Variants in ZBTB7C observed in about 807,000 individuals in gnomAD.
The protein encoded by ZBTB7C is zinc finger and BTB domain-containing protein 7C.
ZBTB7C carries 8 observed loss-of-function variants against 25.7 expected under a neutral mutation model. The observed-to-expected ratio is 0.31, with a 90% CI of 0.18 to 0.56. The LOEUF is 0.56. ZBTB7C is among the 20% of genes least tolerant of loss of function. ZBTB7C has a pLI of 0.91. For synonymous variants in ZBTB7C, 394 were observed against 369.0 expected (o/e 1.07, Z -0.78); for missense variants, 824 against 855.2 (o/e 0.96, Z 0.46).
At position 48,111,061 on chromosome 18, in the gene ZBTB7C, C is replaced by T. The variant is rs1363341547; in HGVS notation, c.-16-69938G>A. On this transcript the variant is annotated intron_variant, in intron 3 of 4. Transcript: ENST00000590800. ...GTCTGGGGAGCAAACCAGCCTCCAG[C>T]TGCTGGGCGCATTCTGGCAGCTGCT... 2.6e-5 allele frequency among the ~76,000 whole-genome samples: 4 copies of T among 152,154 alleles called. No homozygotes were observed. In the East Asian group the frequency reaches 7.7e-4, roughly 29 times the overall value.
At chr18:48,302,896 G>A (rs2045579195) in intron 2 of ZBTB7C, among the ~76,000 whole-genome samples, 1 of 152,156 alleles carries the variant, frequency 6.6e-6, no homozygotes, top group Non-Finnish European at 1.5e-5. Flanking sequence ...CAACCCCAGG[G>A]CCCACAATCC....
intron 1 of ZBTB7C, among the ~76,000 whole-genome samples, chr18:48,360,394 G>A (rs1351506492): frequency 6.6e-6 from 1 of 152,202 alleles, no homozygotes; most frequent in Non-Finnish European, 1.5e-5. Flanking sequence ...GGTAGGCATG[G>A]GGGATTTTAG....
Position 48,029,825 on chromosome 18 carries a change from T to C in ZBTB7C, c.1295A>G (p.Asn432Ser), listed in dbSNP as rs777416369. 6.2e-7 allele frequency: 1 copy of C among 1,609,874 alleles called. No homozygotes were observed. The highest frequency in any genetic ancestry group is 8.5e-7 in the Non-Finnish European group (1 of 1,180,000). The change falls in exon 5 of 5, where the codon AAC becomes AGC. Residue 432 changes from asparagine to serine, a missense_variant. Transcript: ENST00000590800. ...GCGCATGTGGTTCTTGAGGTCGTAG[T>C]TGTGCACGAACTTGGCGTTGCAGTG... is the stretch of plus-strand genomic sequence containing the variant. The part of the protein sequence containing the change: ...CIHCNAKFVH[N>S]YDLKNHMRIH...
intron 3 of ZBTB7C, among the ~76,000 whole-genome samples, chr18:48,154,001 C>G (rs555864558): frequency 6.6e-6 from 1 of 152,152 alleles, no homozygotes; most frequent in Non-Finnish European, 1.5e-5. Context: ...AGGGTCATGG[C>G]TGGGAAACTC....
intron 3 of ZBTB7C, among the ~76,000 whole-genome samples, chr18:48,067,689 G>A (rs898063462): frequency 6.6e-5 from 10 of 152,226 alleles, no homozygotes; most frequent in East Asian, 1.9e-4. Flanking sequence ...ACAATTGCAC[G>A]AGCCAATTCT....
At chr18:48,158,509 T>C (rs2040904975) in intron 3 of ZBTB7C, among the ~76,000 whole-genome samples, 1 of 149,050 alleles carries the variant, frequency 6.7e-6, no homozygotes, top group Non-Finnish European at 1.5e-5. Context: ...AAAATGAGGG[T>C]CTTGGAGGGG....
intron 2 of ZBTB7C, among the ~76,000 whole-genome samples, chr18:48,316,638 C>T (rs1420527246): frequency 1.3e-5 from 2 of 152,160 alleles, no homozygotes; most frequent in African/African-American, 2.4e-5. Context: ...TCTCTTGCTC[C>T]CTCTCTTGCC....
intron 2 of ZBTB7C, among the ~76,000 whole-genome samples, chr18:48,326,064 T>C (rs1005497567): frequency 4.0e-5 from 6 of 151,896 alleles, no homozygotes; most frequent in African/African-American, 1.5e-4. Context: ...TTCACTTATC[T>C]GTTTATAGAT....
At chr18:48,310,752 G>A (rs75695792) in intron 2 of ZBTB7C, among the ~76,000 whole-genome samples, 5,660 of 152,264 alleles carry the variant, frequency 0.037, 217 homozygotes, top group African/African-American at 0.093. Flanking sequence ...TCAGCTCTCC[G>A]CTGCTCTGGG....
In ZBTB7C at chr18:48,040,841, C is replaced by A; in HGVS notation, c.267G>T (p.Leu89=). The A allele has an allele frequency of 5.0e-6, 8 of 1,614,104 alleles. No individual in the cohort carries two copies. The highest frequency in any genetic ancestry group is 6.8e-6 in the Non-Finnish European group (8 of 1,179,998). ...TGAGCGTGGAGGTGTAGGCGAACTC[C>A]AGGATAGCAGCCAGAGCCTCAGGCT... ...FVQPEALAAI[L]EFAYTSTLTI... Residue 89 remains leucine (L), a synonymous_variant, in exon 4 of 5, where the codon CTG becomes CTT. Transcript: ENST00000590800.
chr18:48,151,198 G>C (rs2040666515), intron 3 of ZBTB7C, among the ~76,000 whole-genome samples: 2 of 152,160 alleles, frequency 1.3e-5, no homozygotes, highest in African/African-American at 4.8e-5. Context: ...TGCATCTGAA[G>C]CATGTTCACC....
At chr18:48,049,223 C>A (rs1428222324) in intron 3 of ZBTB7C, among the ~76,000 whole-genome samples, 1 of 152,210 alleles carries the variant, frequency 6.6e-6, no homozygotes, top group Non-Finnish European at 1.5e-5. Context: ...GACTCGTGTT[C>A]TAGTCTTAGT....
chr18:48,097,258 T>C (rs2038667560), intron 3 of ZBTB7C, among the ~76,000 whole-genome samples: 1 of 152,150 alleles, frequency 6.6e-6, no homozygotes, highest in Non-Finnish European at 1.5e-5. Flanking sequence ...TCTTCCACCC[T>C]GTGCAAGGAA....
At chr18:48,284,812 C>CAG (rs778352743) in intron 2 of ZBTB7C, among the ~76,000 whole-genome samples, 48 of 109,194 alleles carry the variant, frequency 4.4e-4, no homozygotes, top group Non-Finnish European at 5.0e-4. Flanking sequence ...AAAAAAAAAA[C>CAG]AGAGAGAGAG....
At chr18:48,357,561 A>T (rs2047005121) in intron 1 of ZBTB7C, among the ~76,000 whole-genome samples, 1 of 151,906 alleles carries the variant, frequency 6.6e-6, no homozygotes, top group Non-Finnish European at 1.5e-5. Flanking sequence ...GCAGTGTAGG[A>T]CTCCTCAATT....
At position 48,072,877 on chromosome 18, in the gene ZBTB7C, T is replaced by C. The variant is rs564236950; in HGVS notation, c.-16-31754A>G. Among the ~76,000 whole-genome samples, 6 of 152,324 alleles carry C rather than the reference T, an allele frequency of 3.9e-5. No homozygotes were observed. In the South Asian group the frequency reaches 1.2e-3, roughly 32 times the overall value. On this transcript the variant is annotated intron_variant, in intron 3 of 4. Coordinates refer to ENST00000590800, the MANE Select transcript of ZBTB7C (RefSeq NM_001318841.2). ...AGATGTTTGACCCTGGCCAGCCCCT[T>C]GCTGGCCTTCCCGACAGAGCCACTT...
chr18:48,280,743 A>T (rs1180446941), intron 2 of ZBTB7C, among the ~76,000 whole-genome samples: 1 of 151,886 alleles, frequency 6.6e-6, no homozygotes, highest in African/African-American at 2.4e-5. Flanking sequence ...TAGGGAAAGG[A>T]CCCAGGTCCC....
At chr18:48,177,662 G>GT (rs1235304143) in intron 3 of ZBTB7C, among the ~76,000 whole-genome samples, 1 of 152,142 alleles carries the variant, frequency 6.6e-6, no homozygotes, top group Non-Finnish European at 1.5e-5. Context: ...GGCCTGGCCT[G>GT]TTGAGAACCT....
chr18:48,410,933 G>A (rs145180763), upstream of ZBTB7C, among the ~76,000 whole-genome samples: 97 of 152,384 alleles, frequency 6.4e-4, 2 homozygotes, highest in East Asian at 0.018. Context: ...TAAAAGGGCA[G>A]TGGGGCTGCT....
Sources: allele counts gnomAD v4.1 joint callset (sites outside exome capture counted in the v4.1 genomes callset), GRCh38; gene constraint gnomAD v4.1.1; transcripts MANE v1.5; gene names NCBI Gene and HGNC (gene_info 2026-07-23, HGNC 2026-07-21).